PRKCH: variants seen among roughly 807,000 people sequenced by gnomAD.
The protein encoded by PRKCH is protein kinase C eta type.
PRKCH carries 28 observed loss-of-function variants against 82.5 expected under a neutral mutation model. That is an observed-to-expected ratio of 0.34 (90% CI 0.25 to 0.47). The LOEUF (loss-of-function observed/expected upper bound fraction) is 0.47, where lower values mean the gene tolerates loss of function less well. PRKCH is among the 20% of genes least tolerant of loss of function. PRKCH has a pLI of 1.00. For missense variants in PRKCH, 705 were observed against 881.8 expected (o/e 0.80, Z 2.54); for synonymous variants, 322 against 327.4 (o/e 0.98, Z 0.18).
chr14:61,407,303 C>T (rs184303253), intron 2 of PRKCH, among the ~76,000 whole-genome samples: 1 of 152,116 alleles, frequency 6.6e-6, no homozygotes, highest in African/African-American at 2.4e-5. Flanking sequence ...TCTAAATACC[C>T]TACCATTCTG....
rs550620898 is a variant in PRKCH at position 61,259,966 on chromosome 14, A to G, written c.-19+72298A>G. On this transcript the variant is annotated intron_variant, in intron 1 of 3. Transcript: ENST00000555185. Reference sequence around the variant, plus strand: ...AAGTGACCGAGCCTTCATCTGGACCAGAGGGTTCACAGATTTCACCATATT... The same window carrying G: ...AAGTGACCGAGCCTTCATCTGGACCGGAGGGTTCACAGATTTCACCATATT... Among the ~76,000 whole-genome samples the G allele has an allele frequency of 6.6e-5, 10 of 152,348 alleles. No homozygotes were observed. The South Asian group carries it at 8.3e-4, about 13-fold the overall frequency.
At chr14:61,245,599 AAG>A (rs1227641544) in intron 1 of PRKCH, among the ~76,000 whole-genome samples, 18 of 152,314 alleles carry the variant, frequency 1.2e-4, no homozygotes, top group Non-Finnish European at 1.6e-4. Flanking sequence ...CCAAGGGTGA[AAG>A]AGCGCTGATG....
At chr14:61,237,862 T>C (rs566014909) in intron 1 of PRKCH, among the ~76,000 whole-genome samples, 1 of 152,362 alleles carries the variant, frequency 6.6e-6, no homozygotes, top group Non-Finnish European at 1.5e-5. Flanking sequence ...CTGAAGCATG[T>C]CCTTAACCTT....
chr14:61,296,903 G>A (rs1052770961), intron 1 of PRKCH, among the ~76,000 whole-genome samples: 1 of 152,016 alleles, frequency 6.6e-6, no homozygotes, highest in Non-Finnish European at 1.5e-5. Context: ...AATTTAACAT[G>A]TGATCTGTAG....
At chr14:61,338,561 C>A (rs1290208768) in intron 1 of PRKCH, among the ~76,000 whole-genome samples, 6 of 152,066 alleles carry the variant, frequency 3.9e-5, no homozygotes, top group African/African-American at 1.2e-4. Flanking sequence ...TGGGAAAAAG[C>A]GAGACTGAAA....
chr14:61,442,156 G>C (rs1884005201), intron 2 of PRKCH, among the ~76,000 whole-genome samples: 1 of 152,082 alleles, frequency 6.6e-6, no homozygotes, highest in Non-Finnish European at 1.5e-5. Flanking sequence ...GAGGAAATAA[G>C]CTATATTTTA....
rs149532685 is a variant in PRKCH, at chr14:61,391,031, G to A, written c.364-194G>A. Among the ~76,000 whole-genome samples, 969 of 152,180 alleles carry A rather than the reference G, an allele frequency of 6.4e-3. 8 individuals carry two copies. The highest frequency in any genetic ancestry group is 0.022 in the African/African-American group (911 of 41,512). ...AAGAGGAAGGAAACTGATAAAATGT[G>A]GTTTCTTTTCAGTCTTTACAGTTTT... On this transcript the variant is annotated intron_variant, in intron 1 of 13. Coordinates refer to ENST00000332981, the MANE Select transcript of PRKCH (RefSeq NM_006255.5).
At chr14:61,543,568 G>A (rs2140036297) in intron 12 of PRKCH, 1 of 152,306 alleles carries the variant, frequency 6.6e-6, no homozygotes, top group African/African-American at 2.4e-5. Context: ...GTAAATGTGT[G>A]CAGAATATTT....
intron 12 of PRKCH, among the ~76,000 whole-genome samples, chr14:61,544,939 G>C (rs1183891127): frequency 3.3e-5 from 5 of 152,134 alleles, no homozygotes; most frequent in African/African-American, 1.2e-4. Context: ...CAATTAACTA[G>C]AAACTCTCCT....
At chr14:61,514,196 C>T (rs1050186701) in intron 10 of PRKCH, among the ~76,000 whole-genome samples, 2 of 151,944 alleles carry the variant, frequency 1.3e-5, no homozygotes, top group African/African-American at 4.8e-5. Context: ...CGTCTGCTCA[C>T]GGACCCTGTC....
intron 1 of PRKCH, among the ~76,000 whole-genome samples, chr14:61,343,178 C>T (rs2045949444): frequency 6.6e-6 from 1 of 152,088 alleles, no homozygotes; most frequent in African/African-American, 2.4e-5. Flanking sequence ...TTGCCTGAGT[C>T]ATCTAGTTTT....
intron 1 of PRKCH, chr14:61,303,408 T>C (rs1306151020): frequency 6.6e-6 from 1 of 152,214 alleles, no homozygotes; most frequent in Non-Finnish European, 1.5e-5. Context: ...TATGTCTTCA[T>C]GATGAAATGA....
intron 2 of PRKCH, among the ~76,000 whole-genome samples, chr14:61,435,279 C>G (rs577311109): frequency 1.1e-4 from 16 of 152,300 alleles, no homozygotes; most frequent in African/African-American, 3.9e-4. Flanking sequence ...AACTTAAGTC[C>G]CTATCTTGAA....
intron 1 of PRKCH, among the ~76,000 whole-genome samples, chr14:61,253,446 A>G (rs1480699111): frequency 6.6e-6 from 1 of 152,054 alleles, no homozygotes; most frequent in Non-Finnish European, 1.5e-5. Flanking sequence ...ATTCAAAGAA[A>G]ACTTGGCACA....
intron 1 of PRKCH, among the ~76,000 whole-genome samples, chr14:61,233,025 C>T (rs1294380157): frequency 5.9e-5 from 9 of 152,184 alleles, no homozygotes; most frequent in Non-Finnish European, 1.3e-4. Context: ...CGATCTCTTA[C>T]ATCAAAAGGA....
intron 9 of PRKCH, among the ~76,000 whole-genome samples, chr14:61,483,037 G>A (rs773690989): frequency 3.3e-5 from 5 of 152,230 alleles, no homozygotes; most frequent in Non-Finnish European, 4.4e-5. Context: ...TCAGATCCAC[G>A]AGGAAGATGA....
chr14:61,310,487 C>T (rs1594903424), intron 1 of PRKCH, among the ~76,000 whole-genome samples: 2 of 152,362 alleles, frequency 1.3e-5, no homozygotes, highest in Non-Finnish European at 2.9e-5. Context: ...CCATGTCTCA[C>T]AGCCAGGGCA....
At chr14:61,423,062 G>T (rs1882939631) in intron 2 of PRKCH, among the ~76,000 whole-genome samples, 1 of 152,212 alleles carries the variant, frequency 6.6e-6, no homozygotes, top group African/African-American at 2.4e-5. Flanking sequence ...GTGAAGATGT[G>T]TTGGAGCCTA....
chr14:61,329,835 A>T (rs1006769169), intron 1 of PRKCH, among the ~76,000 whole-genome samples: 7 of 152,130 alleles, frequency 4.6e-5, no homozygotes, highest in Admixed American at 2.6e-4. Context: ...GGACGTATGA[A>T]TGGATTGGCC....
Sources: gnomAD v4.1 joint callset for allele counts (sites outside exome capture counted in the v4.1 genomes callset) on GRCh38, gnomAD v4.1.1 for gene constraint, MANE v1.5 for transcripts, NCBI Gene and HGNC (gene_info 2026-07-23, HGNC 2026-07-21) for gene names.